PTPRD: variants seen among roughly 807,000 people sequenced by gnomAD.
PTPRD encodes protein tyrosine phosphatase receptor type D.
In PTPRD, 34 loss-of-function variants were observed where a neutral mutation model predicts 214.5. The observed-to-expected ratio is 0.16, with a 90% CI of 0.12 to 0.21. PTPRD has a LOEUF of 0.21. PTPRD is among the 10% of genes least tolerant of loss of function. The probability of loss-of-function intolerance (pLI) is 1.00; values close to 1 mark genes in which losing one functional copy is unlikely to be tolerated. For synonymous variants in PTPRD, 1,128 were observed against 845.7 expected, an observed-to-expected ratio of 1.33 and a Z score of -5.79; for missense variants, 2,545 against 2,398.7, an observed-to-expected ratio of 1.06 and a Z score of -1.27.
intron 39 of PTPRD, among the ~76,000 whole-genome samples, chr9:8,347,147 T>C (rs1322132851): frequency 6.6e-6 from 1 of 152,076 alleles, no homozygotes; most frequent in South Asian, 2.1e-4. Context: ...GACCTCATGT[T>C]TGTAGCTTGA....
chr9:10,283,278 T>A (rs771737515), intron 3 of PTPRD, among the ~76,000 whole-genome samples: 2 of 152,172 alleles, frequency 1.3e-5, no homozygotes, highest in East Asian at 3.8e-4. Flanking sequence ...GGTCCTTTCA[T>A]CCATAAGAAA....
chr9:9,839,283 G>GA (rs1317069231), intron 5 of PTPRD, among the ~76,000 whole-genome samples: 3 of 152,054 alleles, frequency 2.0e-5, no homozygotes, highest in African/African-American at 7.2e-5. Flanking sequence ...CAGATGACAT[G>GA]ATTGTATATC....
intron 10 of PTPRD, among the ~76,000 whole-genome samples, chr9:9,060,217 T>C (rs1569518673): frequency 6.6e-6 from 1 of 152,110 alleles, no homozygotes; most frequent in Non-Finnish European, 1.5e-5. Context: ...AAATGACCAG[T>C]GTAACACAGC....
At chr9:9,582,839 A>C (rs1320971496) in intron 7 of PTPRD, among the ~76,000 whole-genome samples, 1 of 152,034 alleles carries the variant, frequency 6.6e-6, no homozygotes, top group East Asian at 1.9e-4. Flanking sequence ...AAAAAACTAT[A>C]ATCTTTGTCT....
rs563316443 is a variant in PTPRD, at chr9:8,524,489, G to A, written c.679+436C>T. 2.0e-5 allele frequency among the ~76,000 whole-genome samples: 3 copies of A among 152,132 alleles called. No individual in the cohort carries two copies. In the South Asian group the frequency reaches 6.2e-4, roughly 32 times the overall value. On this transcript the variant is annotated intron_variant, in intron 18 of 45. Transcript: ENST00000381196. ...TTATCCTTACAGTTTCAGCAGCAGGGGTCATGAAGACATAAACACCTTTAT... is the reference window on the plus strand; with the variant it reads ...TTATCCTTACAGTTTCAGCAGCAGGAGTCATGAAGACATAAACACCTTTAT...
chr9:9,887,270 C>T (rs1421988573), intron 5 of PTPRD, among the ~76,000 whole-genome samples: 1 of 152,062 alleles, frequency 6.6e-6, no homozygotes, highest in African/African-American at 2.4e-5. Flanking sequence ...TGAAAATTTT[C>T]CTTGACATTG....
At chr9:9,162,887 G>A (rs191732256) in intron 10 of PTPRD, among the ~76,000 whole-genome samples, 12 of 152,110 alleles carry the variant, frequency 7.9e-5, no homozygotes, top group Admixed American at 5.2e-4. Context: ...TACATGTTGC[G>A]AAATGTAGAC....
At chr9:9,053,334 C>T (rs1328336700) in intron 10 of PTPRD, among the ~76,000 whole-genome samples, 3 of 151,862 alleles carry the variant, frequency 2.0e-5, no homozygotes, top group Admixed American at 1.3e-4. Context: ...AATTTTGAAT[C>T]CTTTTGTTAG....
At chr9:9,894,891 A>T (rs2074515107) in intron 5 of PTPRD, among the ~76,000 whole-genome samples, 1 of 151,932 alleles carries the variant, frequency 6.6e-6, no homozygotes, top group Non-Finnish European at 1.5e-5. Context: ...TTTTAACTGT[A>T]AGAACAAAAG....
intron 5 of PTPRD, among the ~76,000 whole-genome samples, chr9:9,842,915 G>T (rs1270643594): frequency 6.6e-6 from 1 of 151,890 alleles, no homozygotes; most frequent in South Asian, 2.1e-4. Flanking sequence ...AATGTATCAG[G>T]GTACTCATGT....
chr9:9,100,581 T>A (rs973137789), intron 10 of PTPRD, among the ~76,000 whole-genome samples: 1 of 152,174 alleles, frequency 6.6e-6, no homozygotes, highest in Non-Finnish European at 1.5e-5. Context: ...ATTTATCATT[T>A]GTTTGTTTTT....
intron 5 of PTPRD, among the ~76,000 whole-genome samples, chr9:9,874,074 T>C (rs1156928133): frequency 6.6e-6 from 1 of 152,110 alleles, no homozygotes; most frequent in African/African-American, 2.4e-5. Context: ...GACAAAAACA[T>C]TTTAAAGGAC....
chr9:10,007,881 G>A (rs1474102170), intron 4 of PTPRD, among the ~76,000 whole-genome samples: 1 of 151,768 alleles, frequency 6.6e-6, no homozygotes, highest in Non-Finnish European at 1.5e-5. Flanking sequence ...GTAAAATTTA[G>A]GTTATTCTAT....
intron 3 of PTPRD, among the ~76,000 whole-genome samples, chr9:10,092,050 G>A (rs117212518): frequency 4.3e-4 from 65 of 151,424 alleles, no homozygotes; most frequent in East Asian, 3.9e-3. Context: ...TAAAAATGAA[G>A]GAAGTAATGA....
chr9:8,361,249 C>G (rs1214364257), intron 39 of PTPRD, among the ~76,000 whole-genome samples: 1 of 152,070 alleles, frequency 6.6e-6, no homozygotes, highest in Non-Finnish European at 1.5e-5. Flanking sequence ...AAAATTTTAG[C>G]AGGGGAATGT....
rs924384191 is a variant in PTPRD, at chr9:9,579,102, G to A, written c.-286-4321C>T. ...TCTATATGATAGTTAATCATTGTAC[G>A]GCATTCTTACAAGTGCTATTTCAAT... On this transcript the variant is annotated intron_variant, in intron 7 of 45. Coordinates refer to ENST00000381196, the MANE Select transcript of PTPRD (RefSeq NM_002839.4). Among the ~76,000 whole-genome samples the A allele has an allele frequency of 3.3e-5, 5 of 151,992 alleles. No individual in the cohort carries two copies. In the East Asian group the frequency reaches 7.7e-4, roughly 24 times the overall value.
intron 8 of PTPRD, among the ~76,000 whole-genome samples, chr9:9,453,981 TTTCC>T (rs1276804146): frequency 1.1e-4 from 16 of 151,828 alleles, no homozygotes; most frequent in Admixed American, 8.6e-4. Flanking sequence ...ATCTGTCATA[TTTCC>T]ATGTCATCCT....
At chr9:9,523,375 G>C (rs1430510713) in intron 8 of PTPRD, among the ~76,000 whole-genome samples, 1 of 152,112 alleles carries the variant, frequency 6.6e-6, no homozygotes, top group African/African-American at 2.4e-5. Context: ...TTGGAGGGGA[G>C]ATATTGGGTT....
chr9:8,754,091 G>A (rs111796394), intron 11 of PTPRD, among the ~76,000 whole-genome samples: 7,684 of 152,178 alleles, frequency 0.05, 479 homozygotes, highest in African/African-American at 0.15. Flanking sequence ...GGTGCAGTGA[G>A]CTGAGATCGC....
Sources: gnomAD v4.1 joint callset for allele counts (sites outside exome capture counted in the v4.1 genomes callset) on GRCh38, gnomAD v4.1.1 for gene constraint, MANE v1.5 for transcripts, NCBI Gene and HGNC (gene_info 2026-07-23, HGNC 2026-07-21) for gene names.